The following CNOT6 variants were observed in gnomAD, a reference collection of about 807,000 sequenced individuals.
The protein encoded by CNOT6 is carbon catabolite repression 4 protein.
A neutral mutation model predicts 61.2 loss-of-function variants in CNOT6; 12 were observed. The observed-to-expected ratio is 0.20, with a 90% CI of 0.13 to 0.32. CNOT6 has a LOEUF of 0.32. Ranked by LOEUF, CNOT6 falls within the 10% of genes least tolerant of loss-of-function variation. The probability of loss-of-function intolerance (pLI) is 1.00; values close to 1 mark genes in which losing one functional copy is unlikely to be tolerated. For missense variants in CNOT6, 405 were observed against 663.9 expected (o/e 0.61, Z 4.28); for synonymous variants, 225 against 240.6 (o/e 0.94, Z 0.60).
chr5:180,562,577 A>G (rs966284403), intron 4 of CNOT6, among the ~76,000 whole-genome samples: 2 of 152,054 alleles, frequency 1.3e-5, no homozygotes, highest in African/African-American at 2.4e-5. Context: ...TGTCTCTACT[A>G]AAAATACAAA....
At chr5:180,520,376 G>C (rs1228478476) in intron 1 of CNOT6, among the ~76,000 whole-genome samples, 1 of 152,138 alleles carries the variant, frequency 6.6e-6, no homozygotes, top group African/African-American at 2.4e-5. Flanking sequence ...GGGCGCGGTG[G>C]CTCACATCTG....
intron 1 of CNOT6, among the ~76,000 whole-genome samples, chr5:180,522,478 A>G (rs981449164): frequency 6.6e-6 from 1 of 152,168 alleles, no homozygotes; most frequent in Non-Finnish European, 1.5e-5. Context: ...AACTAATTAC[A>G]TTCCCACCAG....
At chr5:180,550,807 G>A (rs914158010) in intron 3 of CNOT6, among the ~76,000 whole-genome samples, 14 of 152,136 alleles carry the variant, frequency 9.2e-5, no homozygotes, top group African/African-American at 3.4e-4. Context: ...CCATCCCAGG[G>A]CTTGTATGTT....
At chr5:180,537,689 A>T (rs1409709494) in intron 2 of CNOT6, among the ~76,000 whole-genome samples, 1 of 152,028 alleles carries the variant, frequency 6.6e-6, no homozygotes, top group Non-Finnish European at 1.5e-5. Flanking sequence ...GTGTCTTCAT[A>T]TCTGTGAACA....
At chr5:180,512,758 G>A (rs541171686) in intron 1 of CNOT6, among the ~76,000 whole-genome samples, 36 of 149,848 alleles carry the variant, frequency 2.4e-4, no homozygotes, top group Admixed American at 7.3e-4. Context: ...CACCATGCCC[G>A]GCTAATTTTT....
At chr5:180,538,966 G>A (rs1211253923) in intron 2 of CNOT6, among the ~76,000 whole-genome samples, 1 of 151,708 alleles carries the variant, frequency 6.6e-6, no homozygotes, top group Non-Finnish European at 1.5e-5. Context: ...ATGAGGTCAA[G>A]AGATGGAGAC....
At chr5:180,528,359 G>T (rs1758195923) in intron 1 of CNOT6, among the ~76,000 whole-genome samples, 1 of 152,174 alleles carries the variant, frequency 6.6e-6, no homozygotes, top group South Asian at 2.1e-4. Context: ...TGCCCAGGCT[G>T]GAGTGCAGTG....
Position 180,563,980 on chromosome 5 carries a change from C to T in CNOT6, c.386-509C>T, listed in dbSNP as rs545508415. On this transcript the variant is annotated intron_variant, in intron 4 of 11. Transcript: ENST00000261951. Reference sequence around the variant, plus strand: ...GTTAATTCTTAAGCCAAGTCAGCCCCATTTTGTTGCTTTGTTCAGTATGAC... The same window carrying T: ...GTTAATTCTTAAGCCAAGTCAGCCCTATTTTGTTGCTTTGTTCAGTATGAC... Among the ~76,000 whole-genome samples, 55 of 152,236 alleles carry T rather than the reference C, an allele frequency of 3.6e-4. No individual in the cohort carries two copies. The South Asian group carries it at 6.2e-3, about 17-fold the overall frequency.
At chr5:180,540,586 G>A (rs946531620) in intron 2 of CNOT6, among the ~76,000 whole-genome samples, 1 of 152,278 alleles carries the variant, frequency 6.6e-6, no homozygotes, top group Admixed American at 6.5e-5. Context: ...AGATGATTCT[G>A]CCCAAATGTA....
Position 180,564,880 on chromosome 5 carries a change from A to G in CNOT6, c.559+137A>G, listed in dbSNP as rs1232703210. The G allele has an allele frequency of 4.5e-6, 3 of 668,484 alleles. No homozygotes were observed. In the African/African-American group the frequency reaches 5.5e-5, roughly 12 times the overall value. The allele number at this position is 668,484 out of a possible 1,614,324, so 41.4% of individuals were successfully genotyped here. A position where few individuals can be genotyped will look rare whatever the true frequency, so the allele number is the denominator to read the frequency against. ...GGTTTGGTTTGGGAGGTAATAAAAA[A>G]GAATTCTTGCTCACATGACCTCTAT... On this transcript the variant is annotated intron_variant, in intron 6 of 11. Transcript: ENST00000261951.
chr5:180,508,159 G>A (rs901512906), intron 1 of CNOT6, among the ~76,000 whole-genome samples: 1 of 152,184 alleles, frequency 6.6e-6, no homozygotes, highest in Non-Finnish European at 1.5e-5. Context: ...GGCAGAGTGG[G>A]TGAGAGATTT....
At chr5:180,508,954 C>G (rs11744582) in intron 1 of CNOT6, among the ~76,000 whole-genome samples, 37,711 of 151,300 alleles carry the variant, frequency 0.25, 5,779 homozygotes, top group Middle Eastern at 0.4. Context: ...TCCCGAGTAG[C>G]TGAGACTATA....
At chr5:180,528,995 G>A (rs1758222217) in intron 1 of CNOT6, among the ~76,000 whole-genome samples, 1 of 152,086 alleles carries the variant, frequency 6.6e-6, no homozygotes, top group African/African-American at 2.4e-5. Flanking sequence ...CGGATCATGA[G>A]GTCAGGAGTT....
At chr5:180,539,426 T>G (rs1316922234) in intron 2 of CNOT6, among the ~76,000 whole-genome samples, 1 of 151,894 alleles carries the variant, frequency 6.6e-6, no homozygotes, top group Non-Finnish European at 1.5e-5. Context: ...TCTATCATTT[T>G]TTAAATATCT....
intron 1 of CNOT6, among the ~76,000 whole-genome samples, chr5:180,526,378 A>G (rs1249336979): frequency 1.3e-5 from 2 of 152,214 alleles, no homozygotes; most frequent in Non-Finnish European, 2.9e-5. Flanking sequence ...ATGTCCTTGA[A>G]TAGGCAGAAT....
At chr5:180,497,291 C>T (rs947359855) in intron 1 of CNOT6, among the ~76,000 whole-genome samples, 2 of 141,860 alleles carry the variant, frequency 1.4e-5, no homozygotes, top group Non-Finnish European at 3.0e-5. Flanking sequence ...CACGCCACTG[C>T]ACTTCACCCT....
At chr5:180,514,028 G>T (rs1484526245) in intron 1 of CNOT6, among the ~76,000 whole-genome samples, 1 of 151,998 alleles carries the variant, frequency 6.6e-6, no homozygotes, top group East Asian at 1.9e-4. Context: ...AGAGATAGGG[G>T]TTTCCCTATG....
chr5:180,564,112 C>T (rs1760329601), intron 4 of CNOT6, among the ~76,000 whole-genome samples: 1 of 152,184 alleles, frequency 6.6e-6, no homozygotes, highest in African/African-American at 2.4e-5. Flanking sequence ...TGGCTTTCAT[C>T]CTTCCCTTCA....
intron 3 of CNOT6, among the ~76,000 whole-genome samples, chr5:180,550,650 T>C (rs1002690290): frequency 6.6e-6 from 1 of 152,188 alleles, no homozygotes; most frequent in Non-Finnish European, 1.5e-5. Context: ...TAATAGACTT[T>C]ATTTTTGAAT....
Sources: allele counts gnomAD v4.1 joint callset (sites outside exome capture counted in the v4.1 genomes callset), GRCh38; gene constraint gnomAD v4.1.1; transcripts MANE v1.5; gene names NCBI Gene and HGNC (gene_info 2026-07-23, HGNC 2026-07-21).